Variants in NAALADL2 observed in about 807,000 individuals in gnomAD.
The protein encoded by NAALADL2 is N-acetylated alpha-linked acidic dipeptidase like 2, also known as inactive N-acetylated-alpha-linked acidic dipeptidase-like protein 2.
NAALADL2 carries 76 observed loss-of-function variants against 87.2 expected under a neutral mutation model. The observed-to-expected ratio is 0.87, with a 90% CI of 0.72 to 1.05. The LOEUF (loss-of-function observed/expected upper bound fraction) is 1.05, where lower values mean the gene tolerates loss of function less well. Ranked by LOEUF, NAALADL2 falls within the 50% of genes least tolerant of loss-of-function variation. The probability of loss-of-function intolerance (pLI) is 0.00; values close to 1 mark genes in which losing one functional copy is unlikely to be tolerated. For synonymous variants in NAALADL2, 354 were observed against 331.0 expected, an observed-to-expected ratio of 1.07 and a Z score of -0.75; for missense variants, 1,089 against 945.8, an observed-to-expected ratio of 1.15 and a Z score of -1.99.
intron 4 of NAALADL2, among the ~76,000 whole-genome samples, chr3:175,322,108 C>G (rs1759974893): frequency 6.6e-6 from 1 of 150,434 alleles, no homozygotes. Flanking sequence ...CTACAGTAAC[C>G]AAAACAGCAT....
At chr3:174,889,368 G>T (rs901665546) in intron 1 of NAALADL2, among the ~76,000 whole-genome samples, 13 of 151,858 alleles carry the variant, frequency 8.6e-5, no homozygotes, top group Non-Finnish European at 1.3e-4. Context: ...TTTCTTCAGG[G>T]TTTTAAATAA....
At chr3:175,718,325 A>G (rs1300878359) in intron 11 of NAALADL2, 20 of 1,597,896 alleles carry the variant, frequency 1.3e-5, no homozygotes, top group Non-Finnish European at 1.6e-5. Flanking sequence ...CTTTGATGCT[A>G]TATGAATTCT....
intron 13 of NAALADL2, among the ~76,000 whole-genome samples, chr3:175,764,866 G>C (rs1748491800): frequency 6.6e-6 from 1 of 152,056 alleles, no homozygotes; most frequent in Non-Finnish European, 1.5e-5. Flanking sequence ...TCATTATACA[G>C]TTTTCATGGT....
At chr3:175,619,524 T>C (rs1046723135) in intron 10 of NAALADL2, among the ~76,000 whole-genome samples, 1 of 147,330 alleles carries the variant, frequency 6.8e-6, no homozygotes, top group Non-Finnish European at 1.5e-5. Context: ...CTGGGGGAAA[T>C]AGCCTCTTGC....
intron 13 of NAALADL2, among the ~76,000 whole-genome samples, chr3:175,771,986 C>A (rs1749551911): frequency 6.6e-6 from 1 of 152,112 alleles, no homozygotes; most frequent in Admixed American, 6.6e-5. Context: ...GAGTTAACCA[C>A]CCCATGATTC....
intron 9 of NAALADL2, among the ~76,000 whole-genome samples, chr3:175,507,081 G>A (rs1357240676): frequency 2.0e-5 from 3 of 150,312 alleles, no homozygotes; most frequent in Non-Finnish European, 4.4e-5. Context: ...CCTATAAATG[G>A]ACAATATTTT....
At chr3:174,741,013 G>A (rs1018006618) in intron 3 of NAALADL2, among the ~76,000 whole-genome samples, 12 of 151,652 alleles carry the variant, frequency 7.9e-5, no homozygotes, top group African/African-American at 2.9e-4. Flanking sequence ...TCAAACCAGT[G>A]AATAAATTAG....
rs539116340 is a variant in NAALADL2 at position 175,528,546 on chromosome 3, A to C, written c.1654-47495A>C. Among the ~76,000 whole-genome samples, 3 of 152,136 alleles carry C rather than the reference A, an allele frequency of 2.0e-5. No homozygotes were observed. The South Asian group carries it at 6.2e-4, about 32-fold the overall frequency. On this transcript the variant is annotated intron_variant, in intron 9 of 13. Transcript: ENST00000454872. ...TCAACACTTTGCATCCTTCAATCCA[A>C]TCAAGTTGACACTCAGTATTAACCA...
chr3:175,165,815 C>T (rs1209405623), intron 2 of NAALADL2, among the ~76,000 whole-genome samples: 1 of 152,096 alleles, frequency 6.6e-6, no homozygotes, highest in African/African-American at 2.4e-5. Flanking sequence ...AACACAGAGA[C>T]ACCTCGGATT....
chr3:175,607,675 A>C (rs988482794), intron 10 of NAALADL2, among the ~76,000 whole-genome samples: 5 of 152,182 alleles, frequency 3.3e-5, no homozygotes, highest in Non-Finnish European at 5.9e-5. Context: ...GGCATTCCTT[A>C]AAAACATGTG....
rs576852410 is a variant in NAALADL2, at chr3:175,674,256, T to G, written c.1896+46870T>G. On this transcript the variant is annotated intron_variant, in intron 11 of 13. Coordinates refer to ENST00000454872, the MANE Select transcript of NAALADL2 (RefSeq NM_207015.3). ...ATTTCCAACTGATAGTGTTTTTTTT[T>G]TTTGTTTGTTTTGTTTTTTTTGAGT... is the stretch of plus-strand genomic sequence containing the variant. Among the ~76,000 whole-genome samples the G allele has an allele frequency of 2.5e-3, 373 of 148,588 alleles. 2 individuals are homozygous for G. The highest frequency in any genetic ancestry group is 3.5e-3 in the South Asian group (17 of 4,810).
At chr3:175,334,643 C>T (rs1581466493) in intron 5 of NAALADL2, among the ~76,000 whole-genome samples, 1 of 149,306 alleles carries the variant, frequency 6.7e-6, no homozygotes, top group African/African-American at 2.5e-5. Context: ...GAGTTTTTTT[C>T]CCCACTTGAA....
At chr3:174,569,185 G>A (rs1714634704) in intron 2 of NAALADL2, among the ~76,000 whole-genome samples, 1 of 151,722 alleles carries the variant, frequency 6.6e-6, no homozygotes, top group Non-Finnish European at 1.5e-5. Flanking sequence ...AGAAGAGAGT[G>A]TATTACATGT....
chr3:175,205,810 A>C (rs552707401), intron 2 of NAALADL2, among the ~76,000 whole-genome samples: 5 of 151,762 alleles, frequency 3.3e-5, no homozygotes, highest in African/African-American at 7.3e-5. Flanking sequence ...AATTCTCAAA[A>C]GAAGATATAC....
intron 5 of NAALADL2, among the ~76,000 whole-genome samples, chr3:175,383,417 G>GT (rs139290806): frequency 0.25 from 37,192 of 151,738 alleles, 4,750 homozygotes; most frequent in African/African-American, 0.29. Flanking sequence ...GTCCATATCA[G>GT]TTTTTTGTGA....
At chr3:175,393,600 C>G (rs1350340943) in intron 5 of NAALADL2, among the ~76,000 whole-genome samples, 2 of 151,976 alleles carry the variant, frequency 1.3e-5, no homozygotes. Flanking sequence ...ATTTTGTGCT[C>G]ACCCTATGCA....
intron 3 of NAALADL2, among the ~76,000 whole-genome samples, chr3:174,849,759 AG>A (rs1194964067): frequency 1.4e-5 from 2 of 145,668 alleles, no homozygotes; most frequent in South Asian, 4.3e-4. Context: ...AAAAAAAAAA[AG>A]ATGCAAACAC....
intron 1 of NAALADL2, among the ~76,000 whole-genome samples, chr3:175,057,701 T>A (rs966079965): frequency 2.6e-5 from 4 of 152,298 alleles, no homozygotes; most frequent in African/African-American, 7.2e-5. Context: ...CATTCAGATG[T>A]CAAGGTCACT....
At position 174,796,697 on chromosome 3, in the gene NAALADL2, T is replaced by G. The variant is rs1381194203; in HGVS notation, c.-9+58951T>G. Among the ~76,000 whole-genome samples, 3 of 152,150 alleles carry G rather than the reference T, an allele frequency of 2.0e-5. No individual in the cohort carries two copies. The East Asian group carries it at 5.8e-4, about 29-fold the overall frequency. On this transcript the variant is annotated intron_variant, in intron 3 of 3. Transcript: ENST00000434257. Reference sequence around the variant, plus strand: ...GCAGTAAATATGAGTACATGTCTCTTTTTGATGGAATGACTTATTTTCCTT... The same window carrying G: ...GCAGTAAATATGAGTACATGTCTCTGTTTGATGGAATGACTTATTTTCCTT...
Sources: gnomAD v4.1 joint callset for allele counts (sites outside exome capture counted in the v4.1 genomes callset) on GRCh38, gnomAD v4.1.1 for gene constraint, MANE v1.5 for transcripts, NCBI Gene and HGNC (gene_info 2026-07-23, HGNC 2026-07-21) for gene names.